PCNT: variants seen among roughly 807,000 people sequenced by gnomAD.
PCNT encodes the protein pericentrin, also known as kendrin.
A neutral mutation model predicts 380.4 loss-of-function variants in PCNT; 319 were observed. That is an observed-to-expected ratio of 0.84 (90% CI 0.77 to 0.92). PCNT has a LOEUF of 0.92. Among genes scored for constraint, PCNT ranks in the 40% least tolerant of loss-of-function variants. The pLI is 0.00. For synonymous variants in PCNT, 1,845 were observed against 1,735.2 expected, an observed-to-expected ratio of 1.06 and a Z score of -1.57; for missense variants, 4,400 against 4,255.3, an observed-to-expected ratio of 1.03 and a Z score of -0.95.
At position 46,347,332 on chromosome 21, in the gene PCNT, T is replaced by C. The variant is rs867359747; in HGVS notation, c.977-125T>C. 5.0e-5 allele frequency: 46 copies of C among 925,888 alleles called. No homozygotes were observed. The South Asian group carries it at 5.7e-4, about 12-fold the overall frequency. The allele number at this position is 925,888 out of a possible 1,614,324, so 57.4% of individuals were successfully genotyped here. On this transcript the variant is annotated intron_variant, in intron 5 of 46. Transcript: ENST00000359568. Reference sequence around the variant, plus strand: ...AAAGCCAAGCATCATCACAGACACATCCTGCTAGCCCGTGAATGCTGGCAC... The same window carrying C: ...AAAGCCAAGCATCATCACAGACACACCCTGCTAGCCCGTGAATGCTGGCAC...
At chr21:46,385,706 C>T (rs2085805566) in intron 16 of PCNT, 126 bp from the exon 17 acceptor site, 2 of 1,015,614 alleles carry the variant, frequency 2.0e-6, no homozygotes, top group Non-Finnish European at 3.1e-6. Context: ...CCTTTTGCCC[C>T]ATCACCAAGC....
In PCNT at chr21:46,389,116, T is replaced by C. The variant is rs2085944077; in HGVS notation, c.3608-83T>C. 2.1e-6 allele frequency: 3 copies of C among 1,419,820 alleles called. No individual in the cohort carries two copies. In the East Asian group the frequency reaches 7.0e-5, roughly 33 times the overall value. 88.0% of individuals were successfully genotyped at this position (1,419,820 alleles called of 1,614,324 possible). A position where few individuals can be genotyped will look rare whatever the true frequency, so the allele number is the denominator to read the frequency against. On this transcript the variant is annotated intron_variant, in intron 18 of 46. Transcript: ENST00000359568. The stretch of plus-strand genomic sequence containing the variant: ...GGCTGGGGCGACGTTCTGAGTTCTG[T>C]GGCTTCCTTGTCGTCTTGGCTGCCA...
rs999255468 is a variant in PCNT, at chr21:46,422,116, C to T, written c.7171C>T (p.His2391Tyr). The stretch of plus-strand genomic sequence containing the variant: ...GAAGGAGAAGGAAGTGCGTCCGAAG[C>T]ACGTGAAGGTATGGCTGGCAGGGGC... ...AMKEKEVRPK[H>Y]VKALLQMVRD... Residue 2391 changes from histidine (H) to tyrosine (Y), a missense_variant, in exon 32 of 47, where the codon CAC becomes TAC. By Grantham distance (83) the His-to-Tyr change is moderately conservative (BLOSUM62 2). Coordinates refer to ENST00000359568, the MANE Select transcript of PCNT (RefSeq NM_006031.6). The T allele has an allele frequency of 1.2e-6, 2 of 1,613,542 alleles. No individual in the cohort carries two copies. Among genetic ancestry groups the T allele is most frequent in the Non-Finnish European group, 1.7e-6 (2 of 1,180,028 alleles).
chr21:46,431,198 A>AG, intron 37 of PCNT: 1 of 1,223,980 alleles, frequency 8.2e-7, no homozygotes. Flanking sequence ...TTTTCTGAAG[A>AG]GGGGGCAGGA....
Position 46,363,814 on chromosome 21 carries a change from C to G in PCNT, c.2489C>G (p.Ser830Ter). The G allele has an allele frequency of 6.2e-7, 1 of 1,612,840 alleles. No individual in the cohort carries two copies. The highest frequency in any genetic ancestry group is 8.5e-7 in the Non-Finnish European group (1 of 1,179,284). The change falls in exon 14 of 47, where the codon TCA (serine) becomes TGA (stop). Residue 830 changes from serine (S) to a stop codon, truncating the protein, a stop_gained. Coordinates refer to ENST00000359568, the MANE Select transcript of PCNT (RefSeq NM_006031.6). LOFTEE classifies it high-confidence loss of function. ...CAGCAGCTGGAACAGGACCTCACTT[C>G]AGACGACGCCCTGCATTGCAGCCAG... Reference protein sequence around the residue: ...RLQQLEQDLTSDDALHCSQCG... With the variant: ...RLQQLEQDLT
chr21:46,402,142 A>G (rs1189276217), intron 26 of PCNT, among the ~76,000 whole-genome samples, 189 bp from the exon 27 acceptor site: 3 of 126,718 alleles, frequency 2.4e-5, no homozygotes, highest in African/African-American at 1.1e-4. Flanking sequence ...GCGTGAGCCC[A>G]TGCCCAGCCT....
In PCNT at chr21:46,391,243, G is replaced by C. The variant is rs368626471; in HGVS notation, c.4083G>C (p.Leu1361=). The C allele has an allele frequency of 1.2e-6, 2 of 1,606,574 alleles. No individual in the cohort carries two copies. Among genetic ancestry groups the C allele is most frequent in the Admixed American group, 1.7e-5 (1 of 58,820 alleles). The part of the protein sequence containing the change: ...LAGKEDSEHR[L]VLELESLRRQ... ...GGAAGGAGGATTCCGAGCACCGTCT[G>C]GTGCTGGAGCTGGAGAGCCTGAGAC... The change falls in exon 21 of 47, where the codon CTG becomes CTC. Residue 1361 remains leucine, a synonymous_variant. Transcript: ENST00000359568.
intron 25 of PCNT, 93 bp from the exon 26 acceptor site, chr21:46,401,458 G>T: frequency 9.8e-7 from 1 of 1,021,714 alleles, no homozygotes; most frequent in Non-Finnish European, 1.5e-6. Context: ...TGCTTCAGGT[G>T]CAGCTAAAGA....
chr21:46,385,965 A>C lies in PCNT; in HGVS notation c.3446A>C (p.Asn1149Thr). ...CTCTCCATGCTCAAGGCCGACGTCA[A>C]CCTGTCCCACAGCGAAAGGTCAGTG... ...NLLSMLKADV[N>T]LSHSERGALQ... The change falls in exon 17 of 47, where the codon AAC (asparagine) becomes ACC (threonine). Residue 1149 changes from asparagine to threonine, a missense_variant. Transcript: ENST00000359568. 6.2e-7 allele frequency: 1 copy of C among 1,614,118 alleles called. No individual in the cohort carries two copies. Among genetic ancestry groups the C allele is most frequent in the Non-Finnish European group, 8.5e-7 (1 of 1,180,016 alleles).
At chr21:46,350,090 A>G (rs189310560) in intron 8 of PCNT, among the ~76,000 whole-genome samples, 1 of 152,238 alleles carries the variant, frequency 6.6e-6, no homozygotes, top group Admixed American at 6.5e-5. Flanking sequence ...GAGGCACGAG[A>G]ATCGCTTGAA....
intron 3 of PCNT, among the ~76,000 whole-genome samples, chr21:46,341,159 A>T (rs537783861): frequency 1.3e-5 from 2 of 152,340 alleles, no homozygotes; most frequent in South Asian, 2.1e-4. Flanking sequence ...AGGGGGTTAC[A>T]GGCATGAGTC....
chr21:46,388,981 T>C lies in PCNT; in HGVS notation c.3607+97T>C. 1 of 1,489,132 alleles carries C rather than the reference T, an allele frequency of 6.7e-7. No individual in the cohort carries two copies. Among genetic ancestry groups the C allele is most frequent in the Non-Finnish European group, 9.1e-7 (1 of 1,104,440 alleles). 92.2% of individuals were successfully genotyped at this position (1,489,132 alleles called of 1,614,324 possible). ...GAGCCTCCGTATTGGGCGATGCCCT[T>C]GGGAGCACTGCCGTCCTGGTTTCCT... On this transcript the variant is annotated intron_variant, in intron 18 of 46. Coordinates refer to ENST00000359568, the MANE Select transcript of PCNT (RefSeq NM_006031.6). This position sits in a 1 kb window ranked among gnomAD's most constrained non-coding sequence, Gnocchi z 4.2.
At chr21:46,364,954 C>T (rs780342440) in intron 14 of PCNT, among the ~76,000 whole-genome samples, 2 of 152,238 alleles carry the variant, frequency 1.3e-5, no homozygotes, top group African/African-American at 2.4e-5. Flanking sequence ...CGTCCTGTGT[C>T]GCCAGTGCCC....
At position 46,416,650 on chromosome 21, in the gene PCNT, G is replaced by A. The variant is rs1473871884; in HGVS notation, c.6732G>A (p.Val2244=). ...WTLEPWPSLP[V]TPHSGALSLC... is the part of the protein sequence containing the mutation. ...TGGAGCCCTGGCCCAGCCTCCCCGT[G>A]ACACCCCACTCAGGAGCCCTGAGCC... Residue 2244 remains valine (V), a synonymous_variant, in exon 30 of 47, where the codon GTG becomes GTA. Coordinates refer to ENST00000359568, the MANE Select transcript of PCNT (RefSeq NM_006031.6). 1 of 1,565,502 alleles carries A rather than the reference G, an allele frequency of 6.4e-7. No homozygotes were observed. Among genetic ancestry groups the A allele is most frequent in the African/African-American group, 1.4e-5 (1 of 73,536 alleles).
At position 46,397,317 on chromosome 21, in the gene PCNT, G is replaced by A. The variant is rs1461121925; in HGVS notation, c.4269G>A (p.Lys1423=). The part of the protein sequence containing the change: ...DLTKEQSETR[K]QAEKDRSALL... ...CCAAAGAACAGTCGGAGACCAGGAA[G>A]CAGGCTGAGAAGGACCGCTCAGCCC... Residue 1423 remains lysine (K), a synonymous_variant, in exon 22 of 47, where the codon AAG becomes AAA. Transcript: ENST00000359568. 6.2e-7 allele frequency: 1 copy of A among 1,614,126 alleles called. No individual in the cohort carries two copies. The highest frequency in any genetic ancestry group is 8.5e-7 in the Non-Finnish European group (1 of 1,180,010).
Position 46,431,595 on chromosome 21 carries a change from G to C in PCNT, c.8131G>C (p.Glu2711Gln), listed in dbSNP as rs756579852. 2 of 1,614,060 alleles carry C rather than the reference G, an allele frequency of 1.2e-6. No homozygotes were observed. Among genetic ancestry groups the C allele is most frequent in the Non-Finnish European group, 8.5e-7 (1 of 1,179,962 alleles). ...TCGACTCTGCGTGGCACTGAAACACGAGCAGACGGCCAAGGACAACCTGCA... is the reference window on the plus strand; with the variant it reads ...TCGACTCTGCGTGGCACTGAAACACCAGCAGACGGCCAAGGACAACCTGCA... Reference protein sequence around the residue: ...SSRLCVALKHEQTAKDNLQKE... With the variant: ...SSRLCVALKHQQTAKDNLQKE... The change falls in exon 38 of 47, where the codon GAG becomes CAG. Residue 2711 changes from glutamate (E) to glutamine (Q), a missense_variant. Physicochemically the swap from Glu to Gln is conservative, Grantham distance 29. Transcript: ENST00000359568.
In PCNT at chr21:46,431,544, T is replaced by C. The variant is rs1569299170; in HGVS notation, c.8080T>C (p.Leu2694=). Residue 2694 remains leucine (L), a synonymous_variant, in exon 38 of 47, where the codon TTG becomes CTG. Transcript: ENST00000359568. The part of the protein sequence containing the change: ...AKALEELRAS[L]ETQRAQSSRL... ...TGCTGTCTAGGAGCTGCGGGCGTCTTTGGAGACACAGCGTGCTCAGAGCAG... is the reference window on the plus strand; with the variant it reads ...TGCTGTCTAGGAGCTGCGGGCGTCTCTGGAGACACAGCGTGCTCAGAGCAG... 1.9e-6 allele frequency: 3 copies of C among 1,614,038 alleles called. No individual in the cohort carries two copies. The highest frequency in any genetic ancestry group is 1.7e-5 in the Admixed American group (1 of 60,030).
chr21:46,422,422 C>CGCCTGTGCCTCTCTCCT (rs1555993333), intron 32 of PCNT, among the ~76,000 whole-genome samples: 19 of 151,822 alleles, frequency 1.3e-4, no homozygotes, highest in African/African-American at 4.4e-4. Context: ...GCCTCTCTCC[C>CGCCTGTGCCTCTCTCCT]GCCTGTGCCT....
chr21:46,336,888 C>CA (rs1021356709), intron 3 of PCNT, among the ~76,000 whole-genome samples: 1 of 151,976 alleles, frequency 6.6e-6, no homozygotes, highest in Non-Finnish European at 1.5e-5. Flanking sequence ...TGCCCTCCCC[C>CA]CCAGGTTTAT....
Sources: allele counts gnomAD v4.1 joint callset (sites outside exome capture counted in the v4.1 genomes callset), GRCh38; gene constraint gnomAD v4.1.1; non-coding constraint Gnocchi (gnomAD v3.1); transcripts MANE v1.5; gene names NCBI Gene and HGNC (gene_info 2026-07-23, HGNC 2026-07-21).